Variants in GAB1 observed in about 807,000 individuals in gnomAD.
GAB1 encodes GRB2-associated-binding protein 1.
In GAB1, 19 loss-of-function variants were observed where a neutral mutation model predicts 66.5. That is an observed-to-expected ratio of 0.29 (90% confidence interval 0.20 to 0.42). The LOEUF is 0.42. Among genes scored for constraint, GAB1 ranks in the 10% least tolerant of loss-of-function variants. The pLI, the probability that GAB1 is intolerant of heterozygous loss-of-function variation, is 1.00. For synonymous variants in GAB1, 294 were observed against 301.4 expected, an observed-to-expected ratio of 0.98 and a Z score of 0.25; for missense variants, 732 against 858.5, an observed-to-expected ratio of 0.85 and a Z score of 1.84.
At chr4:143,396,777 G>A (rs1731476666) in intron 1 of GAB1, among the ~76,000 whole-genome samples, 1 of 152,142 alleles carries the variant, frequency 6.6e-6, no homozygotes, top group South Asian at 2.1e-4. Flanking sequence ...GACAGAGGAA[G>A]AAATAATAAA....
At chr4:143,386,272 A>G (rs1730907620) in intron 1 of GAB1, among the ~76,000 whole-genome samples, 1 of 152,112 alleles carries the variant, frequency 6.6e-6, no homozygotes, top group Admixed American at 6.5e-5. Flanking sequence ...TTTTTTTGGG[A>G]TTTTGGAATA....
chr4:143,352,987 G>A (rs530556277), intron 1 of GAB1, among the ~76,000 whole-genome samples: 2 of 152,232 alleles, frequency 1.3e-5, no homozygotes, highest in East Asian at 1.9e-4. Flanking sequence ...ATATGAGAAA[G>A]TACCTAACTG....
At chr4:143,398,967 T>G (rs1199236428) in intron 1 of GAB1, among the ~76,000 whole-genome samples, 1 of 152,150 alleles carries the variant, frequency 6.6e-6, no homozygotes, top group African/African-American at 2.4e-5. Flanking sequence ...CCATACCCTT[T>G]CTAGATAGAA....
intron 8 of GAB1, among the ~76,000 whole-genome samples, chr4:143,461,366 T>C (rs1735484888): frequency 6.6e-6 from 1 of 152,180 alleles, no homozygotes; most frequent in Admixed American, 6.5e-5. Flanking sequence ...GCAGCTCTGT[T>C]CCATAGAGTC....
At chr4:143,393,124 C>G (rs62337529) in intron 1 of GAB1, among the ~76,000 whole-genome samples, 6,463 of 151,230 alleles carry the variant, frequency 0.043, 151 homozygotes, top group African/African-American at 0.052. Flanking sequence ...AAATACTAGA[C>G]TGGCTCATAT....
intron 3 of GAB1, among the ~76,000 whole-genome samples, chr4:143,435,035 A>G (rs1043511851): frequency 6.6e-6 from 1 of 152,222 alleles, no homozygotes; most frequent in Non-Finnish European, 1.5e-5. Flanking sequence ...CTTTATAGAC[A>G]TGAAAAATGT....
At position 143,433,734 on chromosome 4, in the gene GAB1, A is replaced by G; in HGVS notation, c.593+18A>G. The G allele has an allele frequency of 6.4e-7, 1 of 1,569,324 alleles. No homozygotes were observed. Among genetic ancestry groups the G allele is most frequent in the Non-Finnish European group, 8.8e-7 (1 of 1,139,388 alleles). On this transcript the variant is annotated intron_variant, in intron 3 of 9. Coordinates refer to ENST00000262994, the MANE Select transcript of GAB1 (RefSeq NM_002039.4). ...CCCACCAGGTAAATTATATATGCCC[A>G]TGTGAGAGAGAGACAGAGGCGTGTG... is the stretch of plus-strand genomic sequence containing the variant.
At chr4:143,446,733 AT>A (rs1348217161) in intron 6 of GAB1, among the ~76,000 whole-genome samples, 1 of 151,930 alleles carries the variant, frequency 6.6e-6, no homozygotes, top group Non-Finnish European at 1.5e-5. Flanking sequence ...ATTTTCTCCC[AT>A]TTTGTAAGTT....
chr4:143,377,926 T>TG (rs2149673395), intron 1 of GAB1, among the ~76,000 whole-genome samples: 2 of 152,304 alleles, frequency 1.3e-5, no homozygotes, highest in East Asian at 3.9e-4. Flanking sequence ...AACAATCCCT[T>TG]TTAGGTCTGT....
At chr4:143,465,232 C>G (rs1735720390) in intron 8 of GAB1, among the ~76,000 whole-genome samples, 2 of 152,138 alleles carry the variant, frequency 1.3e-5, no homozygotes, top group South Asian at 2.1e-4. Flanking sequence ...CTTTTCCTTT[C>G]TATTTAGCAT....
chr4:143,374,955 C>T (rs758651535), intron 1 of GAB1, among the ~76,000 whole-genome samples: 6 of 152,172 alleles, frequency 3.9e-5, no homozygotes, highest in Non-Finnish European at 8.8e-5. Flanking sequence ...AAGAATGCTC[C>T]TCCAGGAATG....
intron 1 of GAB1, among the ~76,000 whole-genome samples, chr4:143,414,554 G>C (rs75769632): frequency 3.3e-5 from 5 of 152,164 alleles, no homozygotes; most frequent in South Asian, 4.1e-4. Flanking sequence ...GGTCTTACTC[G>C]TATAGTCTTT....
intron 1 of GAB1, among the ~76,000 whole-genome samples, chr4:143,373,375 C>T (rs566915825): frequency 1.1e-4 from 17 of 152,202 alleles, no homozygotes; most frequent in African/African-American, 3.9e-4. Context: ...TATAGCAGCT[C>T]AATAATTAAT....
rs201850203 is a variant in GAB1, at chr4:143,409,509, G to GA, written c.73-5957dup. Among the ~76,000 whole-genome samples the GA allele has an allele frequency of 9.1e-3, 1,265 of 139,394 alleles. 8 individuals carry two copies. Among genetic ancestry groups the GA allele is most frequent in the Non-Finnish European group, 0.011 (708 of 63,750 alleles). The allele number at this position is 139,394 out of a possible 152,430, so 91.4% of individuals were successfully genotyped here. A position where few individuals can be genotyped will look rare whatever the true frequency, so the allele number is the denominator to read the frequency against. Reference sequence around the variant, plus strand: ...AATGCATGAAGTGCTGTTGCAGATAGAAAAAAAAAAAGGAATTAGCTTTCA... The same window carrying GA: ...AATGCATGAAGTGCTGTTGCAGATAGAAAAAAAAAAAAGGAATTAGCTTTCA... On this transcript the variant is annotated intron_variant, in intron 1 of 9. Transcript: ENST00000262994.
chr4:143,359,528 G>A (rs888031673), intron 1 of GAB1, among the ~76,000 whole-genome samples: 1 of 152,178 alleles, frequency 6.6e-6, no homozygotes, highest in African/African-American at 2.4e-5. Context: ...GTGTCCAGTT[G>A]TAGGATTATT....
At chr4:143,419,385 G>A (rs960384352) in intron 2 of GAB1, among the ~76,000 whole-genome samples, 1 of 152,114 alleles carries the variant, frequency 6.6e-6, no homozygotes, top group Non-Finnish European at 1.5e-5. Context: ...GATAAGCATA[G>A]TTAGCAGCAG....
intron 3 of GAB1, among the ~76,000 whole-genome samples, chr4:143,437,078 A>G (rs1733976812): frequency 6.6e-6 from 1 of 152,192 alleles, no homozygotes; most frequent in Non-Finnish European, 1.5e-5. Context: ...GTTTTCTGAT[A>G]GTAAAGGGGG....
intron 1 of GAB1, among the ~76,000 whole-genome samples, chr4:143,394,160 G>A (rs1419255450): frequency 6.6e-6 from 1 of 152,158 alleles, no homozygotes; most frequent in East Asian, 1.9e-4. Flanking sequence ...TGTAGTCCCA[G>A]CTACTCAGGA....
intron 8 of GAB1, among the ~76,000 whole-genome samples, chr4:143,463,060 A>G (rs1275868982): frequency 2.0e-5 from 3 of 152,214 alleles, no homozygotes; most frequent in Non-Finnish European, 4.4e-5. Flanking sequence ...AGAAAAGTCA[A>G]CAATGCCAAT....
Sources: allele counts gnomAD v4.1 joint callset (sites outside exome capture counted in the v4.1 genomes callset), GRCh38; gene constraint gnomAD v4.1.1; transcripts MANE v1.5; gene names NCBI Gene and HGNC (gene_info 2026-07-23, HGNC 2026-07-21).